Variants in OR10J1 observed in about 807,000 individuals in gnomAD.
The protein encoded by OR10J1 is olfactory receptor family 10 subfamily J member 1, also known as olfactory receptor 10J1.
For synonymous variants in OR10J1, 202 were observed against 143.8 expected, an observed-to-expected ratio of 1.40 and a Z score of -2.89; for missense variants, 474 against 376.6, an observed-to-expected ratio of 1.26 and a Z score of -2.14.
the OR10J1 span, among the ~76,000 whole-genome samples, chr1:159,416,378 T>C: frequency 6.6e-6 from 1 of 151,802 alleles, no homozygotes. Flanking sequence ...TTCTTGAGAC[T>C]TTTTTTATCA....
chr1:159,429,562 C>T, the OR10J1 span, among the ~76,000 whole-genome samples: 1 of 152,110 alleles, frequency 6.6e-6, no homozygotes, highest in Non-Finnish European at 1.5e-5. Context: ...CCAAGATTGT[C>T]GAAGTACTAG....
At chr1:159,420,231 T>G in the OR10J1 span, among the ~76,000 whole-genome samples, 1 of 152,176 alleles carries the variant, frequency 6.6e-6, no homozygotes, top group Non-Finnish European at 1.5e-5. Context: ...TAAGATAATT[T>G]TCATAGGCAG....
At chr1:159,439,693 A>C, upstream of OR10J1, 1 of 1,431,310 alleles carries the variant, frequency 7.0e-7, no homozygotes, top group Non-Finnish European at 9.7e-7. Flanking sequence ...TGTAACTGAG[A>C]ACTATTGAAC....
the OR10J1 span, among the ~76,000 whole-genome samples, chr1:159,419,259 T>A: frequency 3.3e-5 from 5 of 152,190 alleles, no homozygotes; most frequent in Admixed American, 1.3e-4. Context: ...GGTTTGACTC[T>A]GACCCTACCC....
chr1:159,414,135 A>G, the OR10J1 span, among the ~76,000 whole-genome samples: 1 of 152,202 alleles, frequency 6.6e-6, no homozygotes, highest in East Asian at 1.9e-4. Context: ...TGAAATTTAC[A>G]ATACGTTGTT....
chr1:159,440,130 C>G lies in OR10J1; in HGVS notation c.339C>G (p.Phe113Leu). ...TAACCTTTGGCATCACTAACTGCTT[C>G]CTGCTCACAGCAATGGGATATGACC... The part of the protein sequence containing the change: ...FFVTFGITNC[F>L]LLTAMGYDRY... Residue 113 changes from phenylalanine (F) to leucine (L), a missense_variant, in exon 1 of 1, where the codon TTC (phenylalanine) becomes TTG (leucine). Coordinates refer to ENST00000423932, the MANE Select transcript of OR10J1 (RefSeq NM_012351.3). 6.2e-7 allele frequency: 1 copy of G among 1,614,168 alleles called. No individual in the cohort carries two copies. The highest frequency in any genetic ancestry group is 8.5e-7 in the Non-Finnish European group (1 of 1,180,024).
chr1:159,440,313 C>G lies in OR10J1; in HGVS notation c.522C>G (p.Pro174=), dbSNP rs62641747. 7.6e-4 allele frequency: 1,224 copies of G among 1,614,154 alleles called. 12 individuals carry two copies. In the African/African-American group the frequency reaches 0.015, roughly 20 times the overall value. The change falls in exon 1 of 1, where the codon CCC becomes CCG. Residue 174 remains proline (P), a synonymous_variant. Transcript: ENST00000423932. Reference sequence around the variant, plus strand: ...TACCCTTCTGTGCTAGAAAGGTGCCCCACTTCTTCTGTGACATCCGCCCTG... The same window carrying G: ...TACCCTTCTGTGCTAGAAAGGTGCCGCACTTCTTCTGTGACATCCGCCCTG... ...FRLPFCARKV[P]HFFCDIRPVM...
the OR10J1 span, among the ~76,000 whole-genome samples, chr1:159,401,915 A>C: frequency 6.6e-6 from 1 of 151,998 alleles, no homozygotes; most frequent in Admixed American, 6.6e-5. Flanking sequence ...GTGGGATTTA[A>C]TCCTGGGATG....
upstream of OR10J1, chr1:159,437,718 C>A (rs1288663159): frequency 1.3e-5 from 2 of 152,268 alleles, no homozygotes; most frequent in Non-Finnish European, 2.9e-5. Context: ...AGGGGGGTGG[C>A]TGTCAGAATG....
At chr1:159,424,121 CAGG>C in the OR10J1 span, among the ~76,000 whole-genome samples, 1 of 151,296 alleles carries the variant, frequency 6.6e-6, no homozygotes, top group Non-Finnish European at 1.5e-5. Flanking sequence ...GAGGCTGAAG[CAGG>C]AGAATCGCTT....
chr1:159,421,293 T>C, the OR10J1 span, among the ~76,000 whole-genome samples: 1 of 152,172 alleles, frequency 6.6e-6, no homozygotes, highest in Non-Finnish European at 1.5e-5. Context: ...AAAATTCACA[T>C]CCTGATTTTT....
the OR10J1 span, among the ~76,000 whole-genome samples, chr1:159,424,854 C>T: frequency 6.6e-6 from 1 of 151,954 alleles, no homozygotes; most frequent in African/African-American, 2.4e-5. Flanking sequence ...TATAAATTGC[C>T]AGATTGAGTA....
chr1:159,425,907 C>A, the OR10J1 span, among the ~76,000 whole-genome samples: 1 of 151,944 alleles, frequency 6.6e-6, no homozygotes, highest in Non-Finnish European at 1.5e-5. Context: ...AAAGTGGCTG[C>A]CTCCAAAAGG....
chr1:159,420,673 T>C, the OR10J1 span, among the ~76,000 whole-genome samples: 3 of 152,098 alleles, frequency 2.0e-5, no homozygotes, highest in African/African-American at 7.2e-5. Context: ...TTGTTAGGCA[T>C]AAAATCCTTG....
the OR10J1 span, among the ~76,000 whole-genome samples, chr1:159,427,338 C>A: frequency 6.6e-6 from 1 of 150,976 alleles, no homozygotes; most frequent in African/African-American, 2.4e-5. Flanking sequence ...ATAAAGAAAA[C>A]TAAAAAAATA....
the OR10J1 span, among the ~76,000 whole-genome samples, chr1:159,404,131 G>T: frequency 5.9e-5 from 9 of 152,048 alleles, no homozygotes; most frequent in Non-Finnish European, 1.2e-4. Context: ...GCTTGAGGGG[G>T]AGGTGGGGAT....
chr1:159,398,738 AAAAC>A, the OR10J1 span, among the ~76,000 whole-genome samples: 2 of 152,280 alleles, frequency 1.3e-5, no homozygotes, highest in African/African-American at 4.8e-5. Flanking sequence ...AAAAGAATAA[AAAAC>A]AATAAAGTAT....
At chr1:159,415,857 T>C in the OR10J1 span, among the ~76,000 whole-genome samples, 1 of 151,946 alleles carries the variant, frequency 6.6e-6, no homozygotes, top group Non-Finnish European at 1.5e-5. Context: ...CTTAAATTTC[T>C]TTCATCAATG....
At chr1:159,401,929 G>A in the OR10J1 span, among the ~76,000 whole-genome samples, 2 of 151,974 alleles carry the variant, frequency 1.3e-5, no homozygotes, top group Non-Finnish European at 2.9e-5. Context: ...TGGGATGCAG[G>A]AATGGTTCAA....
Sources: allele counts gnomAD v4.1 joint callset (sites outside exome capture counted in the v4.1 genomes callset), GRCh38; gene constraint gnomAD v4.1.1; transcripts MANE v1.5; gene names NCBI Gene and HGNC (gene_info 2026-07-23, HGNC 2026-07-21).